Variants in MORC1 observed in about 807,000 individuals in gnomAD.
The protein encoded by MORC1 is MORC family CW-type zinc finger protein 1.
MORC1 carries 59 observed loss-of-function variants against 134.9 expected under a neutral mutation model. The ratio of observed to expected loss-of-function variants is 0.44; its 90% CI spans 0.35 to 0.54. The LOEUF is 0.54. MORC1 is among the 20% of genes least tolerant of loss of function. The probability of loss-of-function intolerance (pLI) is 0.00; values close to 1 mark genes in which losing one functional copy is unlikely to be tolerated. For missense variants in MORC1, 947 were observed against 1,134.5 expected, an observed-to-expected ratio of 0.83 and a Z score of 2.37; for synonymous variants, 395 against 391.7, an observed-to-expected ratio of 1.01 and a Z score of -0.10.
chr3:109,014,742 T>G (rs1357688320), intron 17 of MORC1, among the ~76,000 whole-genome samples: 1 of 152,182 alleles, frequency 6.6e-6, no homozygotes, highest in African/African-American at 2.4e-5. Flanking sequence ...AAATAAAAAT[T>G]TTATAAGTTC....
chr3:109,109,772 T>C (rs1951121299), intron 3 of MORC1: 1 of 152,280 alleles, frequency 6.6e-6, no homozygotes, highest in Non-Finnish European at 1.5e-5. Flanking sequence ...AGGAGAGAGC[T>C]GCCTGCAGAG....
chr3:109,016,643 A>T (rs1348642504), intron 17 of MORC1, among the ~76,000 whole-genome samples: 1 of 152,092 alleles, frequency 6.6e-6, no homozygotes, highest in East Asian at 1.9e-4. Context: ...TGCGCAGATG[A>T]CTTGAGGTCA....
At chr3:109,061,940 A>G in intron 11 of MORC1, 48 bp downstream of exon 11, 1 of 1,545,936 alleles carries the variant, frequency 6.5e-7, no homozygotes, top group Non-Finnish European at 8.9e-7. Flanking sequence ...GAAAAAGCAA[A>G]TGACACAATT....
At chr3:109,093,595 A>G in intron 7 of MORC1, 54 bp from the exon 8 acceptor site, 2 of 1,257,078 alleles carry the variant, frequency 1.6e-6, no homozygotes, top group South Asian at 1.2e-5. Context: ...ACTAAATGCT[A>G]GTCATTGTGC....
chr3:109,070,511 T>C (rs375564248), intron 8 of MORC1, among the ~76,000 whole-genome samples: 1 of 152,032 alleles, frequency 6.6e-6, no homozygotes, highest in Non-Finnish European at 1.5e-5. Context: ...TCCAATAAGA[T>C]AGGAAATAAA....
chr3:109,081,138 A>C (rs1306767509), intron 8 of MORC1, among the ~76,000 whole-genome samples: 1 of 152,162 alleles, frequency 6.6e-6, no homozygotes, highest in Non-Finnish European at 1.5e-5. Context: ...TGGTTAAGGA[A>C]AGCATTTTTG....
intron 14 of MORC1, among the ~76,000 whole-genome samples, chr3:109,041,706 G>A (rs1028436880): frequency 2.6e-5 from 4 of 152,172 alleles, no homozygotes; most frequent in African/African-American, 7.2e-5. Flanking sequence ...AGTTAGCTGG[G>A]TGTGGTGGCG....
At chr3:109,082,313 C>G (rs1434613232) in intron 8 of MORC1, among the ~76,000 whole-genome samples, 1 of 148,796 alleles carries the variant, frequency 6.7e-6, no homozygotes, top group African/African-American at 2.5e-5. Context: ...CCAGTGAAAA[C>G]AAAACAAAAC....
At chr3:109,045,714 G>A (rs1949680419) in intron 14 of MORC1, among the ~76,000 whole-genome samples, 1 of 152,156 alleles carries the variant, frequency 6.6e-6, no homozygotes, top group Non-Finnish European at 1.5e-5. Flanking sequence ...TGGGTATGGT[G>A]GCATGCGGTT....
At chr3:109,099,617 T>C in intron 5 of MORC1, 151 bp from the exon 6 acceptor site, 1 of 566,932 alleles carries the variant, frequency 1.8e-6, no homozygotes, top group East Asian at 3.4e-5. Context: ...ATTTTTTTTT[T>C]TTCAAAGTAA....
At chr3:109,070,938 A>G (rs533077766) in intron 8 of MORC1, among the ~76,000 whole-genome samples, 2 of 152,358 alleles carry the variant, frequency 1.3e-5, no homozygotes, top group South Asian at 2.1e-4. Flanking sequence ...AGTATAAATT[A>G]CATATTAGTA....
intron 21 of MORC1, among the ~76,000 whole-genome samples, chr3:108,992,888 T>G (rs904118193): frequency 6.6e-6 from 1 of 152,182 alleles, no homozygotes; most frequent in East Asian, 1.9e-4. Flanking sequence ...GCTCACCCAA[T>G]AAAGGCTGAA....
chr3:109,034,487 A>G (rs191465764), intron 15 of MORC1, among the ~76,000 whole-genome samples: 7 of 152,302 alleles, frequency 4.6e-5, no homozygotes, highest in Non-Finnish European at 5.9e-5. Flanking sequence ...CTTGCTTATC[A>G]AAGTAAAACC....
At chr3:109,058,827 A>T (rs565328659) in intron 12 of MORC1, among the ~76,000 whole-genome samples, 154 of 3,804 alleles carry the variant, frequency 0.04, no homozygotes, top group Non-Finnish European at 0.15. Context: ...TCTTCTATTA[A>T]AAAAAACCCA....
At chr3:109,117,108 C>T (rs1212445171) in intron 1 of MORC1, among the ~76,000 whole-genome samples, 1 of 152,088 alleles carries the variant, frequency 6.6e-6, no homozygotes, top group East Asian at 1.9e-4. Flanking sequence ...ACTTTTTGTT[C>T]CACCTTTTCC....
At chr3:108,969,417 G>T (rs1947311670) in intron 26 of MORC1, among the ~76,000 whole-genome samples, 1 of 152,106 alleles carries the variant, frequency 6.6e-6, no homozygotes, top group Admixed American at 6.5e-5. Context: ...AGCTCAGAAT[G>T]TCCTGTTTCC....
chr3:109,075,005 G>A (rs1365976854), intron 8 of MORC1, among the ~76,000 whole-genome samples: 1 of 152,120 alleles, frequency 6.6e-6, no homozygotes, highest in African/African-American at 2.4e-5. Flanking sequence ...TCACTCGATG[G>A]CATATCAACC....
At chr3:109,083,808 C>T (rs930480272) in intron 8 of MORC1, among the ~76,000 whole-genome samples, 2 of 152,146 alleles carry the variant, frequency 1.3e-5, no homozygotes, top group African/African-American at 2.4e-5. Flanking sequence ...AAAGATCATT[C>T]ATCTTTATCA....
At chr3:109,032,895 G>T (rs966559413) in intron 15 of MORC1, 70 bp from the exon 16 acceptor site, 1 of 1,005,838 alleles carries the variant, frequency 9.9e-7, no homozygotes, top group Non-Finnish European at 1.5e-6. Flanking sequence ...ATGTCAGTTT[G>T]CACATATCAA....
Sources: gnomAD v4.1 joint callset for allele counts (sites outside exome capture counted in the v4.1 genomes callset) on GRCh38, gnomAD v4.1.1 for gene constraint, MANE v1.5 for transcripts, NCBI Gene and HGNC (gene_info 2026-07-23, HGNC 2026-07-21) for gene names.